CAST: variants seen among roughly 807,000 people sequenced by gnomAD.
The protein encoded by CAST is MIR583 host.
In CAST, 76 loss-of-function variants were observed where a neutral mutation model predicts 119.6. The observed-to-expected ratio is 0.64, with a 90% CI of 0.53 to 0.77. The LOEUF is 0.77. Ranked by LOEUF, CAST falls within the 30% of genes least tolerant of loss-of-function variation. The pLI, the probability that CAST is intolerant of heterozygous loss-of-function variation, is 0.00. For synonymous variants in CAST, 319 were observed against 331.6 expected (o/e 0.96, Z 0.41); for missense variants, 953 against 946.5 (o/e 1.01, Z -0.09).
rs1256853549 is a variant in CAST at position 96,773,948 on chromosome 5, CT to C, written c.*1334del. On this transcript the variant is annotated 3_prime_UTR_variant, in exon 32 of 32. Transcript: ENST00000675179. ...ACACTGCTTATAAATGGCACCACAT[CT>C]TGTTAACCTCCCCCCCAAATACTCT... 2 of 152,278 alleles carry C rather than the reference CT, an allele frequency of 1.3e-5. No individual in the cohort carries two copies. Among genetic ancestry groups the C allele is most frequent in the African/African-American group, 2.4e-5 (1 of 41,402 alleles). The allele number at this position is 152,278 out of a possible 1,614,324, so 9.4% of individuals were successfully genotyped here.
At chr5:96,067,512 T>C in the CAST span, among the ~76,000 whole-genome samples, 1 of 152,200 alleles carries the variant, frequency 6.6e-6, no homozygotes, top group Non-Finnish European at 1.5e-5. Context: ...AAGTGAAGAA[T>C]TCTTTGAAAT....
At chr5:96,573,460 G>A (rs984353905) in intron 1 of CAST, among the ~76,000 whole-genome samples, 8 of 151,968 alleles carry the variant, frequency 5.3e-5, no homozygotes, top group South Asian at 2.1e-4. Context: ...GTAAGACCTC[G>A]TCTCTACAAA....
chr5:96,700,288 A>G (rs950727634), intron 3 of CAST, among the ~76,000 whole-genome samples: 6 of 152,228 alleles, frequency 3.9e-5, no homozygotes, highest in Admixed American at 2.0e-4. Context: ...TCCTAATCCC[A>G]TGGCTATTTT....
At chr5:96,421,276 C>T in the CAST span, among the ~76,000 whole-genome samples, 14 of 152,278 alleles carry the variant, frequency 9.2e-5, no homozygotes, top group South Asian at 2.7e-3. Flanking sequence ...ATCTGGGAGT[C>T]GGGTGCTGTC....
intron 1 of CAST, among the ~76,000 whole-genome samples, chr5:96,621,436 G>A (rs769473777): frequency 2.0e-5 from 3 of 152,164 alleles, no homozygotes; most frequent in Admixed American, 6.5e-5. Flanking sequence ...TAATTGACTC[G>A]CAGCTCTGCA....
chr5:96,043,746 G>T, the CAST span, among the ~76,000 whole-genome samples: 2 of 152,124 alleles, frequency 1.3e-5, no homozygotes, highest in Non-Finnish European at 2.9e-5. Context: ...AAGTTTCACT[G>T]GCCAGAACAG....
At chr5:96,028,550 A>G in the CAST span, among the ~76,000 whole-genome samples, 1 of 152,040 alleles carries the variant, frequency 6.6e-6, no homozygotes, top group South Asian at 2.1e-4. Context: ...ATGACCCCAA[A>G]TTTAAGATGG....
the CAST span, among the ~76,000 whole-genome samples, chr5:96,003,470 G>A: frequency 6.7e-6 from 1 of 148,234 alleles, no homozygotes; most frequent in Admixed American, 6.8e-5. Flanking sequence ...CCTGGGAGGC[G>A]GAGCTTGCAG....
chr5:96,167,830 A>G, the CAST span, among the ~76,000 whole-genome samples: 1 of 152,340 alleles, frequency 6.6e-6, no homozygotes, highest in Non-Finnish European at 1.5e-5. Context: ...GCATGTGAGT[A>G]AAGTCAATTT....
At chr5:96,700,188 G>A (rs1753718624) in intron 3 of CAST, among the ~76,000 whole-genome samples, 1 of 152,190 alleles carries the variant, frequency 6.6e-6, no homozygotes, top group Non-Finnish European at 1.5e-5. Context: ...TGGTTTGTGA[G>A]ATGACTGTGT....
chr5:96,345,002 T>C, the CAST span, among the ~76,000 whole-genome samples: 1 of 152,180 alleles, frequency 6.6e-6, no homozygotes, highest in African/African-American at 2.4e-5. Flanking sequence ...TGCTCTACTC[T>C]GGCTTGATGT....
intron 4 of CAST, among the ~76,000 whole-genome samples, chr5:96,724,373 G>A (rs1758862520): frequency 6.6e-6 from 1 of 151,860 alleles, no homozygotes; most frequent in Non-Finnish European, 1.5e-5. Flanking sequence ...GTAGAGACAG[G>A]GGTCTTGCTA....
the CAST span, among the ~76,000 whole-genome samples, chr5:96,211,372 A>G: frequency 4.6e-5 from 7 of 151,996 alleles, no homozygotes; most frequent in Non-Finnish European, 7.4e-5. Context: ...AATTTTTTCA[A>G]GTGCTCATTC....
chr5:96,386,436 G>C, the CAST span, among the ~76,000 whole-genome samples: 1 of 152,172 alleles, frequency 6.6e-6, no homozygotes, highest in South Asian at 2.1e-4. Flanking sequence ...GGAAAGGAAG[G>C]TTCACATTGG....
the CAST span, among the ~76,000 whole-genome samples, chr5:96,151,379 T>C: frequency 6.6e-6 from 1 of 152,206 alleles, no homozygotes; most frequent in Non-Finnish European, 1.5e-5. Context: ...TGTGTGCCTG[T>C]AGTCCTAGCT....
the CAST span, among the ~76,000 whole-genome samples, chr5:96,354,710 G>T: frequency 6.7e-6 from 1 of 148,564 alleles, no homozygotes; most frequent in Admixed American, 6.8e-5. Flanking sequence ...ATTATGCAAT[G>T]TAAATATAAT....
chr5:96,754,806 G>T (rs1345833068), intron 22 of CAST, 65 bp downstream of exon 22: 5 of 923,670 alleles, frequency 5.4e-6, no homozygotes, highest in Middle Eastern at 2.4e-4. Context: ...ACAGAACAAA[G>T]GTACTTGGGA....
At chr5:96,727,711 G>A (rs111609631) in intron 6 of CAST, among the ~76,000 whole-genome samples, 181 bp downstream of exon 6, 1,854 of 151,980 alleles carry the variant, frequency 0.012, 37 homozygotes, top group South Asian at 0.033. Context: ...CATTAAGTCC[G>A]TATATTGTTA....
At chr5:96,005,653 A>G in the CAST span, among the ~76,000 whole-genome samples, 1 of 152,212 alleles carries the variant, frequency 6.6e-6, no homozygotes, top group African/African-American at 2.4e-5. Flanking sequence ...AAAGTAAAAA[A>G]TCAAGTGAAA....
Sources: gnomAD v4.1 joint callset for allele counts (sites outside exome capture counted in the v4.1 genomes callset) on GRCh38, gnomAD v4.1.1 for gene constraint, MANE v1.5 for transcripts, NCBI Gene and HGNC (gene_info 2026-07-23, HGNC 2026-07-21) for gene names.